SYNE1: variants seen among roughly 807,000 people sequenced by gnomAD.
The protein encoded by SYNE1 is nesprin-1.
A neutral mutation model predicts 1,111.0 loss-of-function variants in SYNE1; 616 were observed. That is an observed-to-expected ratio of 0.55 (90% CI 0.52 to 0.59). The LOEUF (loss-of-function observed/expected upper bound fraction) is 0.59. SYNE1 is among the 20% of genes least tolerant of loss of function. The pLI is 0.00. For missense variants in SYNE1, 10,006 were observed against 10,417.0 expected (o/e 0.96, Z 1.72); for synonymous variants, 3,855 against 3,825.8 (o/e 1.01, Z -0.28).
intron 8 of SYNE1, 100 bp from the exon 9 acceptor site, chr6:152,505,497 T>C (rs2099053031): frequency 5.6e-6 from 7 of 1,248,794 alleles, no homozygotes; most frequent in South Asian, 5.0e-5. Flanking sequence ...ACCAACGATA[T>C]GCAGAGAGCT....
At chr6:152,526,522 A>T (rs183906512) in intron 4 of SYNE1, among the ~76,000 whole-genome samples, 14 of 152,322 alleles carry the variant, frequency 9.2e-5, no homozygotes, top group Non-Finnish European at 1.6e-4. Flanking sequence ...TAAGAGAGAG[A>T]TTATAGCAGG....
chr6:152,286,482 T>C (rs550514747), intron 95 of SYNE1, among the ~76,000 whole-genome samples: 6 of 151,772 alleles, frequency 4.0e-5, no homozygotes, highest in Non-Finnish European at 5.9e-5. Context: ...CATTATACCA[T>C]ATTCCACTGT....
intron 95 of SYNE1, among the ~76,000 whole-genome samples, chr6:152,291,321 T>TA (rs1262298463): frequency 1.3e-5 from 2 of 150,580 alleles, no homozygotes; most frequent in Admixed American, 6.6e-5. Flanking sequence ...AATAAACCAT[T>TA]AAGCCCCAAT....
intron 14 of SYNE1, among the ~76,000 whole-genome samples, chr6:152,473,164 C>T (rs188710161): frequency 1.3e-5 from 2 of 152,266 alleles, no homozygotes; most frequent in African/African-American, 4.8e-5. Context: ...CAATTTCTCA[C>T]ATAGAAGCAA....
intron 120 of SYNE1, 86 bp from the exon 121 acceptor site, chr6:152,218,489 T>C: frequency 7.0e-7 from 1 of 1,422,944 alleles, no homozygotes; most frequent in Non-Finnish European, 9.8e-7. Flanking sequence ...GGCAAGTGGA[T>C]ATTAAAATTA....
At chr6:152,485,952 T>G (rs2098936804) in intron 12 of SYNE1, among the ~76,000 whole-genome samples, 1 of 152,152 alleles carries the variant, frequency 6.6e-6, no homozygotes, top group South Asian at 2.1e-4. Flanking sequence ...ACCCCAGCAC[T>G]TTTGGAGATC....
In SYNE1 at chr6:152,441,662, G is replaced by A. The variant is rs115336944; in HGVS notation, c.4009-392C>T. Among the ~76,000 whole-genome samples, 1,152 of 152,256 alleles carry A rather than the reference G, an allele frequency of 7.6e-3. 14 individuals carry two copies. Among genetic ancestry groups the A allele is most frequent in the African/African-American group, 0.026 (1,097 of 41,546 alleles). On this transcript the variant is annotated intron_variant, in intron 31 of 145. Coordinates refer to ENST00000367255, the MANE Select transcript of SYNE1 (RefSeq NM_182961.4). ...ATGAAGAGAGAGCATTAAGCAGTTG[G>A]CAAAAACTCAGAAACATTTTTAAAG...
rs1438700733 is a variant in SYNE1, at chr6:152,449,652, A to G, written c.3396-11T>C. ...GAGAACTCAGAGAATCTGAAATAAC[A>G]TAAGCACTTTCTTATTAAAGGGAGA... is the stretch of plus-strand genomic sequence containing the variant. On this transcript the variant is annotated splice_polypyrimidine_tract_variant and intron_variant, in intron 27 of 145. Transcript: ENST00000367255. The G allele has an allele frequency of 6.3e-7, 1 of 1,583,836 alleles. No individual in the cohort carries two copies. Among genetic ancestry groups the G allele is most frequent in the East Asian group, 2.2e-5 (1 of 44,736 alleles).
rs556171070 is a variant in SYNE1 at position 152,636,905 on chromosome 6, C to T, written c.-391-100G>A. The T allele has an allele frequency of 7.1e-3, 1,079 of 152,504 alleles. 9 individuals carry two copies. The highest frequency in any genetic ancestry group is 0.011 in the Non-Finnish European group (758 of 68,242). 9.4% of individuals were successfully genotyped at this position (152,504 alleles called of 1,614,324 possible). A position where few individuals can be genotyped will look rare whatever the true frequency, so the allele number is the denominator to read the frequency against. On this transcript the variant is annotated intron_variant, in intron 1 of 145. Transcript: ENST00000367255. ...GGCTCGCCCACACTCACTCCCGCGCCGGGCTGCTCAGCCGCGCTCCCCGCC... is the reference window on the plus strand; with the variant it reads ...GGCTCGCCCACACTCACTCCCGCGCTGGGCTGCTCAGCCGCGCTCCCCGCC...
intron 16 of SYNE1, 65 bp downstream of exon 16, chr6:152,471,532 A>G: frequency 6.7e-7 from 1 of 1,493,506 alleles, no homozygotes; most frequent in Non-Finnish European, 9.3e-7. Flanking sequence ...AACATCAAAG[A>G]AACTGAACTG....
intron 77 of SYNE1, among the ~76,000 whole-genome samples, chr6:152,333,650 TGA>T (rs1023548945): frequency 6.6e-6 from 1 of 152,178 alleles, no homozygotes; most frequent in African/African-American, 2.4e-5. Flanking sequence ...TTTATTTTTT[TGA>T]GACAGGGTCT....
At chr6:152,535,744 T>C (rs2099232049) in intron 4 of SYNE1, among the ~76,000 whole-genome samples, 1 of 152,150 alleles carries the variant, frequency 6.6e-6, no homozygotes, top group East Asian at 1.9e-4. Flanking sequence ...ATTTTAAACA[T>C]CTAACTTTTT....
chr6:152,595,070 A>G (rs1178625999), intron 3 of SYNE1, among the ~76,000 whole-genome samples: 1 of 152,110 alleles, frequency 6.6e-6, no homozygotes, highest in Non-Finnish European at 1.5e-5. Flanking sequence ...CTTGTTATTT[A>G]CCATACTGCT....
chr6:152,330,193 AC>A lies in SYNE1; in HGVS notation c.14491del (p.Val4831TyrfsTer2), dbSNP rs2096212656. The A allele has an allele frequency of 6.2e-7, 1 of 1,614,084 alleles. No individual in the cohort carries two copies. The highest frequency in any genetic ancestry group is 1.7e-5 in the Admixed American group (1 of 60,000). On this transcript the variant is annotated frameshift_variant, in exon 78 of 146. Coordinates refer to ENST00000367255, the MANE Select transcript of SYNE1 (RefSeq NM_182961.4). LOFTEE classifies it high-confidence loss of function. ...AAGATGTATGGTTACTCGTTTCAGT[AC>A]AATCCCTGAGTCCTGGAGACTTCCT... ...LAGSLQDSGI[V>X]LKRVTIHLED...
chr6:152,620,287 G>A (rs1240548742), intron 3 of SYNE1, among the ~76,000 whole-genome samples: 2 of 72,550 alleles, frequency 2.8e-5, no homozygotes, highest in African/African-American at 9.7e-5. Flanking sequence ...CCTCAGTGTT[G>A]AGTGCCCATT....
At chr6:152,231,731 C>T (rs555280841) in intron 113 of SYNE1, among the ~76,000 whole-genome samples, 164 bp from the exon 114 acceptor site, 4 of 150,918 alleles carry the variant, frequency 2.7e-5, no homozygotes, top group South Asian at 2.1e-4. Context: ...TTTTAGAAGC[C>T]GAATATATAT....
chr6:152,134,562 G>A (rs903477369), intron 142 of SYNE1: 10 of 162,936 alleles, frequency 6.1e-5, no homozygotes, highest in Non-Finnish European at 1.3e-4. Flanking sequence ...CCACCTACTC[G>A]GGAGGGTGAG....
At chr6:152,126,945 C>T (rs896855824) in intron 145 of SYNE1, 2 of 152,194 alleles carry the variant, frequency 1.3e-5, no homozygotes, top group African/African-American at 4.8e-5. Flanking sequence ...TTTCGGCTAA[C>T]ACTGGCAGTA....
chr6:152,594,264 G>T (rs2099574803), intron 3 of SYNE1, among the ~76,000 whole-genome samples: 2 of 152,184 alleles, frequency 1.3e-5, no homozygotes, highest in Admixed American at 6.5e-5. Context: ...GGACATAAGA[G>T]TGTTGACCTG....
Sources: allele counts gnomAD v4.1 joint callset (sites outside exome capture counted in the v4.1 genomes callset), GRCh38; gene constraint gnomAD v4.1.1; transcripts MANE v1.5; gene names NCBI Gene and HGNC (gene_info 2026-07-23, HGNC 2026-07-21).